Variants in MACROD2 observed in about 807,000 individuals in gnomAD.
MACROD2 encodes the protein ADP-ribose glycohydrolase MACROD2.
A neutral mutation model predicts 70.4 loss-of-function variants in MACROD2; 36 were observed. The ratio of observed to expected loss-of-function variants is 0.51; its 90% CI spans 0.39 to 0.68. The LOEUF is 0.68. MACROD2 is among the 30% of genes least tolerant of loss of function. The probability of loss-of-function intolerance (pLI) is 0.00; values close to 1 mark genes in which losing one functional copy is unlikely to be tolerated. For synonymous variants in MACROD2, 172 were observed against 178.8 expected (o/e 0.96, Z 0.30); for missense variants, 496 against 538.4 (o/e 0.92, Z 0.78).
At chr20:14,798,672 T>G (rs2122131790) in intron 5 of MACROD2, among the ~76,000 whole-genome samples, 1 of 152,246 alleles carries the variant, frequency 6.6e-6, no homozygotes, top group East Asian at 1.9e-4. Flanking sequence ...GTAAATTGAT[T>G]TCTGTGTCTT....
chr20:15,497,817 CT>C (rs2047317379), intron 7 of MACROD2, among the ~76,000 whole-genome samples: 1 of 152,164 alleles, frequency 6.6e-6, no homozygotes, highest in Non-Finnish European at 1.5e-5. Flanking sequence ...CCACATACCC[CT>C]AATACACTTG....
intron 11 of MACROD2, among the ~76,000 whole-genome samples, chr20:15,936,565 G>A (rs987805412): frequency 2.7e-5 from 4 of 149,404 alleles, no homozygotes; most frequent in Non-Finnish European, 5.9e-5. Flanking sequence ...CAGGGTCATA[G>A]AACTAAAGAT....
intron 8 of MACROD2, among the ~76,000 whole-genome samples, chr20:15,557,797 A>G (rs893112316): frequency 6.6e-6 from 1 of 152,094 alleles, no homozygotes; most frequent in Non-Finnish European, 1.5e-5. Context: ...CTGGTCTCTG[A>G]GCTATTTGTT....
intron 2 of MACROD2, among the ~76,000 whole-genome samples, chr20:14,067,096 C>T (rs1188393292): frequency 6.8e-6 from 1 of 146,620 alleles, no homozygotes; most frequent in South Asian, 2.2e-4. Flanking sequence ...CAGGCGTGAG[C>T]TACTGCACCT....
chr20:15,096,208 G>T (rs1000166708), intron 5 of MACROD2, among the ~76,000 whole-genome samples: 1 of 152,034 alleles, frequency 6.6e-6, no homozygotes, highest in Non-Finnish European at 1.5e-5. Flanking sequence ...CGGGGCCAAA[G>T]AGTTTGATTT....
At chr20:14,683,201 A>G (rs1177414188) in intron 4 of MACROD2, among the ~76,000 whole-genome samples, 3 of 152,202 alleles carry the variant, frequency 2.0e-5, no homozygotes, top group African/African-American at 7.2e-5. Flanking sequence ...TTTTAAATAA[A>G]GAAGAATTAT....
chr20:14,541,454 C>T (rs2085431307), intron 4 of MACROD2, among the ~76,000 whole-genome samples: 3 of 152,122 alleles, frequency 2.0e-5, no homozygotes, highest in South Asian at 4.1e-4. Context: ...TACTTTTCTC[C>T]TATTACTTAT....
intron 6 of MACROD2, among the ~76,000 whole-genome samples, chr20:15,364,347 C>T (rs916963435): frequency 1.3e-5 from 2 of 152,166 alleles, no homozygotes; most frequent in Non-Finnish European, 1.5e-5. Context: ...AGCTCCTCTT[C>T]GAAGATTCCT....
rs566329081 is a variant in MACROD2 at position 15,338,719 on chromosome 20, C to T, written c.541-92686C>T. Reference sequence around the variant, plus strand: ...GTTACTTGCCTAACGTCTTTTAGTACAAGATGGGGCTTGGATTATGAACAC... The same window carrying T: ...GTTACTTGCCTAACGTCTTTTAGTATAAGATGGGGCTTGGATTATGAACAC... On this transcript the variant is annotated intron_variant, in intron 6 of 17. Transcript: ENST00000684519. 5.3e-4 allele frequency among the ~76,000 whole-genome samples: 80 copies of T among 151,772 alleles called. 1 individual carries two copies. The highest frequency in any genetic ancestry group is 1.9e-3 in the African/African-American group (77 of 41,128).
intron 8 of MACROD2, among the ~76,000 whole-genome samples, chr20:15,828,891 T>C (rs181497968): frequency 3.3e-5 from 5 of 152,236 alleles, no homozygotes; most frequent in Non-Finnish European, 5.9e-5. Flanking sequence ...ATCCTTTAAG[T>C]TCAGAAATAA....
chr20:14,157,782 C>T (rs1252325913), intron 3 of MACROD2, among the ~76,000 whole-genome samples: 1 of 152,102 alleles, frequency 6.6e-6, no homozygotes, highest in African/African-American at 2.4e-5. Flanking sequence ...TAGCCAAATA[C>T]TATTCCATTG....
At chr20:15,014,592 C>CT (rs1312990465) in intron 5 of MACROD2, among the ~76,000 whole-genome samples, 1 of 152,108 alleles carries the variant, frequency 6.6e-6, no homozygotes, top group Non-Finnish European at 1.5e-5. Flanking sequence ...TGACAGTGGC[C>CT]TTGTATTAAG....
intron 5 of MACROD2, among the ~76,000 whole-genome samples, chr20:14,870,598 A>G (rs1049495731): frequency 6.6e-6 from 1 of 151,918 alleles, no homozygotes; most frequent in Non-Finnish European, 1.5e-5. Context: ...CAACCTCACC[A>G]GGACCTATTA....
intron 10 of MACROD2, among the ~76,000 whole-genome samples, chr20:15,916,219 T>A (rs1424613563): frequency 6.6e-6 from 1 of 152,100 alleles, no homozygotes; most frequent in Non-Finnish European, 1.5e-5. Context: ...GGCTCTGGGC[T>A]TTTTCTCACT....
chr20:14,618,103 A>G (rs943386180), intron 4 of MACROD2, among the ~76,000 whole-genome samples: 2 of 24,154 alleles, frequency 8.3e-5, no homozygotes, highest in African/African-American at 2.0e-4. Flanking sequence ...CTGCCCTCCA[A>G]TCCCTATGAA....
At chr20:14,505,361 T>G (rs2084957284) in intron 4 of MACROD2, among the ~76,000 whole-genome samples, 2 of 152,336 alleles carry the variant, frequency 1.3e-5, no homozygotes, top group African/African-American at 4.8e-5. Context: ...CTCTTAAATC[T>G]GTCTAGTGTT....
intron 7 of MACROD2, among the ~76,000 whole-genome samples, chr20:15,438,761 G>A (rs2046459131): frequency 6.6e-6 from 1 of 152,086 alleles, no homozygotes; most frequent in African/African-American, 2.4e-5. Flanking sequence ...CATATCCTTT[G>A]CACACCCAGT....
At chr20:14,274,505 A>T (rs1462323240) in intron 3 of MACROD2, among the ~76,000 whole-genome samples, 1 of 152,172 alleles carries the variant, frequency 6.6e-6, no homozygotes, top group Admixed American at 6.5e-5. Context: ...TCAAAATAAT[A>T]AGAGCTACTC....
intron 8 of MACROD2, among the ~76,000 whole-genome samples, chr20:15,845,044 T>C (rs985712321): frequency 2.0e-5 from 3 of 152,152 alleles, no homozygotes; most frequent in East Asian, 1.9e-4. Flanking sequence ...AGTCAGCTAG[T>C]GAAACAACTG....
Sources: gnomAD v4.1 joint callset for allele counts (sites outside exome capture counted in the v4.1 genomes callset) on GRCh38, gnomAD v4.1.1 for gene constraint, MANE v1.5 for transcripts, NCBI Gene and HGNC (gene_info 2026-07-23, HGNC 2026-07-21) for gene names.